Variants in EPS8L1 observed in about 807,000 individuals in gnomAD.
EPS8L1 encodes EPS8 signaling adaptor L1.
In EPS8L1, 101 loss-of-function variants were observed where a neutral mutation model predicts 91.7. That is an observed-to-expected ratio of 1.10 (90% CI 0.94 to 1.30). The LOEUF (loss-of-function observed/expected upper bound fraction) is 1.30. Ranked by LOEUF, EPS8L1 falls within the 50% of genes most tolerant of loss-of-function variation. The pLI is 0.00. For synonymous variants in EPS8L1, 506 were observed against 445.3 expected (o/e 1.14, Z -1.72); for missense variants, 1,114 against 1,017.0 (o/e 1.10, Z -1.30).
In EPS8L1 at chr19:55,080,801, G is replaced by A; in HGVS notation, c.459G>A (p.Gly153=). The change falls in exon 7 of 20, where the codon GGG becomes GGA. Residue 153 remains glycine (G), a synonymous_variant. Transcript: ENST00000201647. ...AGCTGATCCGAGAGGACATCCAGGG[G>A]GCTCTGCACAATTACCGCTCGGGCC... The part of the protein sequence containing the change: ...GAELIREDIQ[G]ALHNYRSGRG... 1 of 1,612,060 alleles carries A rather than the reference G, an allele frequency of 6.2e-7. No homozygotes were observed. Among genetic ancestry groups the A allele is most frequent in the Non-Finnish European group, 8.5e-7 (1 of 1,179,190 alleles).
At position 55,085,917 on chromosome 19, in the gene EPS8L1, G is replaced by A. The variant is rs377154234; in HGVS notation, c.1462G>A (p.Asp488Asn). The A allele has an allele frequency of 6.2e-6, 10 of 1,613,828 alleles. No individual in the cohort carries two copies. The highest frequency in any genetic ancestry group is 8.5e-6 in the Non-Finnish European group (10 of 1,179,876). ...AGGAAAATGGGTCCTGTGTAATTAT[G>A]ACTTCCAGGCCCGCAACAGCAGTGA... The part of the protein sequence containing the change: ...TAGKWVLCNY[D>N]FQARNSSELS... Residue 488 changes from aspartate (D) to asparagine (N), a missense_variant, in exon 15 of 20, where the codon GAC (aspartate) becomes AAC (asparagine). By Grantham distance (23) the Asp-to-Asn change is conservative. Coordinates refer to ENST00000201647, the MANE Select transcript of EPS8L1 (RefSeq NM_133180.3).
intron 17 of EPS8L1, 77 bp from the exon 18 acceptor site, chr19:55,086,637 C>CCCCCCCCCCCCCCCCCTGG: frequency 3.6e-6 from 5 of 1,374,348 alleles, no homozygotes; most frequent in Non-Finnish European, 5.0e-6. Flanking sequence ...GCTGGAGCGC[C>CCCCCCCCCCCCCCCCCTGG]CCCCCGCCCC....
chr19:55,081,338 C>G lies in EPS8L1; in HGVS notation c.620C>G (p.Ala207Gly). 1 of 1,557,708 alleles carries G rather than the reference C, an allele frequency of 6.4e-7. No homozygotes were observed. Among genetic ancestry groups the G allele is most frequent in the Non-Finnish European group, 8.6e-7 (1 of 1,156,676 alleles). The change falls in exon 8 of 20, where the codon GCG becomes GGG. Residue 207 changes from alanine (A) to glycine (G), a missense_variant. Ala to Gly is a moderately conservative substitution (Grantham distance 60). Transcript: ENST00000201647. The surrounding 1 kb of genome is among the most constrained non-coding windows in gnomAD (Gnocchi z 4.9). ...GTGATCAGCACCGTAGAGCGGGGCG[C>G]GGGCCGCGGACGACCCCAGGCGAAG... ...RAVISTVERG[A>G]GRGRPQAKPI...
chr19:55,079,563 G>T, intron 4 of EPS8L1, 127 bp from the exon 5 acceptor site: 1 of 1,116,492 alleles, frequency 9.0e-7, no homozygotes, highest in South Asian at 1.6e-5. Context: ...TGTGGAACAG[G>T]TGATCAAGGA....
At chr19:55,087,000 G>A in intron 18 of EPS8L1, 112 bp downstream of exon 18, 3 of 1,344,324 alleles carry the variant, frequency 2.2e-6, no homozygotes, top group Non-Finnish European at 1.9e-6. Context: ...AGGGAGCCGG[G>A]ATTAGCCCGA....
chr19:55,086,636 C>T (rs2076355185), intron 17 of EPS8L1, 78 bp from the exon 18 acceptor site: 2 of 956,930 alleles, frequency 2.1e-6, no homozygotes, highest in East Asian at 3.7e-5. Flanking sequence ...CGCTGGAGCG[C>T]CCCCCCGCCC....
chr19:55,081,778 C>T lies in EPS8L1; in HGVS notation c.780C>T (p.Ile260=). ...CCCCCTCCTCTGTCCCCTAGGACAT[C>T]CTGAACCACGTGTTCGACGACGTAG... ...AVLQAEREVD[I]LNHVFDDVES... Residue 260 remains isoleucine, a synonymous_variant, in exon 9 of 20, where the codon ATC becomes ATT. Coordinates refer to ENST00000201647, the MANE Select transcript of EPS8L1 (RefSeq NM_133180.3). This position sits in a 1 kb window ranked among gnomAD's most constrained non-coding sequence, Gnocchi z 4.9. 2.5e-6 allele frequency: 4 copies of T among 1,610,556 alleles called. No individual in the cohort carries two copies. In the East Asian group the frequency reaches 8.9e-5, roughly 36 times the overall value.
At chr19:55,087,263 C>A in intron 18 of EPS8L1, 40 bp from the exon 19 acceptor site, 2 of 1,558,834 alleles carry the variant, frequency 1.3e-6, no homozygotes, top group Non-Finnish European at 8.7e-7. Context: ...CTGGGGCATC[C>A]GCCGACCGGC....
Position 55,079,016 on chromosome 19 carries a change from T to C in EPS8L1, c.76T>C (p.Ser26Pro). ...CCTGGCAGAGCAGAGGAAGCGTTAC[T>C]CCACAGTTGTTATGGCTGATGTATC... Reference protein sequence around the residue: ...KSIYEQRKRYSTVVMADVSQY... With the variant: ...KSIYEQRKRYPTVVMADVSQY... The change falls in exon 4 of 20, where the codon TCC (serine) becomes CCC (proline). Residue 26 changes from serine to proline, a missense_variant. Coordinates refer to ENST00000201647, the MANE Select transcript of EPS8L1 (RefSeq NM_133180.3). The C allele has an allele frequency of 6.2e-7, 1 of 1,614,042 alleles. No individual in the cohort carries two copies. The highest frequency in any genetic ancestry group is 8.5e-7 in the Non-Finnish European group (1 of 1,179,966).
rs2076315426 is a variant in EPS8L1, at chr19:55,083,514, C to T, written c.1351C>T (p.Arg451Trp). 5.6e-6 allele frequency: 9 copies of T among 1,609,426 alleles called. No individual in the cohort carries two copies. Among genetic ancestry groups the T allele is most frequent in the African/African-American group, 1.3e-5 (1 of 74,858 alleles). Residue 451 changes from arginine (R) to tryptophan (W), a missense_variant, in exon 13 of 20, where the codon CGG becomes TGG. Arg to Trp is a moderately radical substitution (Grantham distance 101). Transcript: ENST00000201647. The surrounding 1 kb of genome is among the most constrained non-coding windows in gnomAD (Gnocchi z 4.7). ...ACAGCTACAGCACGAGCGGAGGCGC[C>T]GGCAGGTGACCCAAGCGACACAGCA... ...EKQLQHERRR[R>W]QQSAPQVAVN...
intron 2 of EPS8L1, 75 bp downstream of exon 2, chr19:55,076,536 T>C: frequency 6.5e-7 from 1 of 1,539,534 alleles, no homozygotes; most frequent in Non-Finnish European, 8.9e-7. Context: ...CCACACCCGC[T>C]TGCGGCAGCC....
At chr19:55,076,108 G>A (rs1447086226) in intron 1 of EPS8L1, among the ~76,000 whole-genome samples, 189 bp downstream of exon 1, 1,390 of 110,484 alleles carry the variant, frequency 0.013, 13 homozygotes, top group Middle Eastern at 0.023. Context: ...TGAGGGCCTG[G>A]ACTCCTGGGT....
At position 55,087,425 on chromosome 19, in the gene EPS8L1, C is replaced by T. The variant is rs138489699; in HGVS notation, c.2075C>T (p.Ser692Leu). 385 of 1,614,096 alleles carry T rather than the reference C, an allele frequency of 2.4e-4. No individual in the cohort carries two copies. Among genetic ancestry groups the T allele is most frequent in the Non-Finnish European group, 3.1e-4 (369 of 1,180,008 alleles). The change falls in exon 19 of 20, where the codon TCG (serine) becomes TTG (leucine). Residue 692 changes from serine (S) to leucine (L), a missense_variant. Physicochemically the swap from Ser to Leu is moderately radical, Grantham distance 145. Coordinates refer to ENST00000201647, the MANE Select transcript of EPS8L1 (RefSeq NM_133180.3). The part of the protein sequence containing the change: ...RVYSQVTVQR[S>L]LLEDKEKVSE... ...TACAGCCAGGTCACCGTGCAGCGCTCGCTGCTGGAGGTGAGCCGGACCGCT... is the reference window on the plus strand; with the variant it reads ...TACAGCCAGGTCACCGTGCAGCGCTTGCTGCTGGAGGTGAGCCGGACCGCT...
Position 55,076,441 on chromosome 19 carries a change from C to A in EPS8L1, c.-4C>A, listed in dbSNP as rs2076136284. Reference sequence around the variant, plus strand: ...CAGGTGGGCAGGAGCTACCACTCAGCACCATGAGCACCGCCACAGGGTAAG... The same window carrying A: ...CAGGTGGGCAGGAGCTACCACTCAGAACCATGAGCACCGCCACAGGGTAAG... On this transcript the variant is annotated 5_prime_UTR_variant, in exon 2 of 20. Transcript: ENST00000201647. The A allele has an allele frequency of 1.9e-6, 3 of 1,612,202 alleles. No individual in the cohort carries two copies. Among genetic ancestry groups the A allele is most frequent in the Non-Finnish European group, 2.5e-6 (3 of 1,179,288 alleles).
At chr19:55,087,050 G>A in intron 18 of EPS8L1, 162 bp downstream of exon 18, 1 of 1,085,730 alleles carries the variant, frequency 9.2e-7, no homozygotes, top group South Asian at 1.7e-5. Flanking sequence ...ATGGCAGGCT[G>A]TGATTGCCAT....
In EPS8L1 at chr19:55,081,832, G is replaced by A. The variant is rs755613369; in HGVS notation, c.834G>A (p.Ser278=). 1.2e-6 allele frequency: 2 copies of A among 1,612,640 alleles called. No homozygotes were observed. Among genetic ancestry groups the A allele is most frequent in the South Asian group, 1.1e-5 (1 of 91,052 alleles). The change falls in exon 9 of 20, where the codon TCG becomes TCA. Residue 278 remains serine, a synonymous_variant. Coordinates refer to ENST00000201647, the MANE Select transcript of EPS8L1 (RefSeq NM_133180.3). The surrounding 1 kb of genome is among the most constrained non-coding windows in gnomAD (Gnocchi z 4.9). ...GCTTTGTATCGAGGCTGCAGAAGTC[G>A]GCGGAGGCGGCCAGGGTGCTGGAGC... ...VESFVSRLQK[S]AEAARVLEHR... is the part of the protein sequence containing the mutation.
intron 2 of EPS8L1, 78 bp from the exon 3 acceptor site, chr19:55,078,010 C>T (rs991864628): frequency 1.8e-5 from 23 of 1,274,630 alleles, no homozygotes; most frequent in African/African-American, 3.0e-5. Flanking sequence ...GTCATGAAGC[C>T]CTTGCTGCCC....
In EPS8L1 at chr19:55,087,297, G is replaced by C; in HGVS notation, c.1953-6G>C. On this transcript the variant is annotated splice_region_variant and splice_polypyrimidine_tract_variant and intron_variant, in intron 18 of 19. Transcript: ENST00000201647. Reference sequence around the variant, plus strand: ...GCCTGACCGCGCCCGGGCTGCCCTCGCTCAGGACCGTGGACGCGCTGGGTG... The same window carrying C: ...GCCTGACCGCGCCCGGGCTGCCCTCCCTCAGGACCGTGGACGCGCTGGGTG... The C allele has an allele frequency of 6.3e-7, 1 of 1,599,476 alleles. No homozygotes were observed. Among genetic ancestry groups the C allele is most frequent in the Non-Finnish European group, 8.5e-7 (1 of 1,173,680 alleles).
In EPS8L1 at chr19:55,082,599, C is replaced by G; in HGVS notation, c.1211C>G (p.Pro404Arg). ...WTSLGDSWTR[P>R]GLELSPEEGP... is the part of the protein sequence containing the mutation. ...TCGCTGGGGGACTCGTGGACCCGCC[C>G]CGGGTGAGGGGCGGGGCTGGGAGGC... is the stretch of plus-strand genomic sequence containing the variant. Residue 404 changes from proline (P) to arginine (R), a missense_variant, in exon 12 of 20, where the codon CCC (proline) becomes CGC (arginine). Transcript: ENST00000201647. 6.4e-7 allele frequency: 1 copy of G among 1,560,778 alleles called. No homozygotes were observed. The highest frequency in any genetic ancestry group is 8.7e-7 in the Non-Finnish European group (1 of 1,153,228).
Sources: allele counts gnomAD v4.1 joint callset (sites outside exome capture counted in the v4.1 genomes callset), GRCh38; gene constraint gnomAD v4.1.1; non-coding constraint Gnocchi (gnomAD v3.1); transcripts MANE v1.5; gene names NCBI Gene and HGNC (gene_info 2026-07-23, HGNC 2026-07-21).